Variants in PPP1R2B observed in about 807,000 individuals in gnomAD.
The protein encoded by PPP1R2B is protein phosphatase inhibitor 2 family member B.
In PPP1R2B, 13 loss-of-function variants were observed where a neutral mutation model predicts 17.6. The observed-to-expected ratio is 0.74, with a 90% confidence interval of 0.48 to 1.17. The LOEUF (loss-of-function observed/expected upper bound fraction) is 1.17, where lower values mean the gene tolerates loss of function less well. Ranked by LOEUF, PPP1R2B falls within the 50% of genes most tolerant of loss-of-function variation. The probability of loss-of-function intolerance (pLI) is 0.00; values close to 1 mark genes in which losing one functional copy is unlikely to be tolerated. For missense variants in PPP1R2B, 230 were observed against 252.4 expected (o/e 0.91, Z 0.60); for synonymous variants, 105 against 95.4 (o/e 1.10, Z -0.59).
In PPP1R2B at chr5:156,851,249, G is replaced by T; in HGVS notation, c.*69G>T. ...CTGTGACTATAATACATTGCTTCTT[G>T]TTCTCCACAATTCATGACTTAAGTA... On this transcript the variant is annotated 3_prime_UTR_variant, in exon 1 of 1. Coordinates refer to ENST00000522232, the MANE Select transcript of PPP1R2B (RefSeq NM_206858.3). 5 of 1,266,116 alleles carry T rather than the reference G, an allele frequency of 3.9e-6. No individual in the cohort carries two copies. The highest frequency in any genetic ancestry group is 5.7e-6 in the Non-Finnish European group (5 of 870,536). 78.4% of individuals were successfully genotyped at this position (1,266,116 alleles called of 1,614,324 possible).
rs1758463265 is a variant in PPP1R2B, at chr5:156,850,557, C to A, written c.-6C>A. ...GACCCTGAGGCGACAGCCGGAGCGCCCGGCAATGGCGGCCTCGACGGCCTC... is the reference window on the plus strand; with the variant it reads ...GACCCTGAGGCGACAGCCGGAGCGCACGGCAATGGCGGCCTCGACGGCCTC... On this transcript the variant is annotated 5_prime_UTR_variant, in exon 1 of 1. Transcript: ENST00000522232. 6.3e-7 allele frequency: 1 copy of A among 1,585,174 alleles called. No individual in the cohort carries two copies. The highest frequency in any genetic ancestry group is 8.6e-7 in the Non-Finnish European group (1 of 1,165,822).
rs56407100 is a variant in PPP1R2B at position 156,850,513 on chromosome 5, G to A, written c.-50G>A. 26 of 1,561,562 alleles carry A rather than the reference G, an allele frequency of 1.7e-5. No individual in the cohort carries two copies. Among genetic ancestry groups the A allele is most frequent in the African/African-American group, 2.7e-5 (2 of 73,476 alleles). On this transcript the variant is annotated 5_prime_UTR_variant, in exon 1 of 1. Coordinates refer to ENST00000522232, the MANE Select transcript of PPP1R2B (RefSeq NM_206858.3). The stretch of plus-strand genomic sequence containing the variant: ...CTGCTGTGCCGACCCTTCTCTTCGC[G>A]GACCCCACGCCAAGCAGCGACCCTG...
Position 156,851,079 on chromosome 5 carries a change from G to A in PPP1R2B, c.517G>A (p.Glu173Lys). 2 of 1,276,182 alleles carry A rather than the reference G, an allele frequency of 1.6e-6. No homozygotes were observed. The highest frequency in any genetic ancestry group is 2.3e-6 in the Non-Finnish European group (2 of 874,246). The allele number at this position is 1,276,182 out of a possible 1,614,324, so 79.1% of individuals were successfully genotyped here. A position where few individuals can be genotyped will look rare whatever the true frequency, so the allele number is the denominator to read the frequency against. The change falls in exon 1 of 1, where the codon GAA becomes AAA. Residue 173 changes from glutamate (E) to lysine (K), a missense_variant. Transcript: ENST00000522232. ...KDLHDDDEDEEMLETADGESM... is the reference protein window; with the variant it reads ...KDLHDDDEDEKMLETADGESM... ...CCTACATGATGATGATGAAGATGAAGAAATGTTAGAGACTGCAGATGGAGA... is the reference window on the plus strand; with the variant it reads ...CCTACATGATGATGATGAAGATGAAAAAATGTTAGAGACTGCAGATGGAGA...
Position 156,850,400 on chromosome 5 carries a change from G to A in PPP1R2B, c.-163G>A, listed in dbSNP as rs1561529513. 15 of 847,554 alleles carry A rather than the reference G, an allele frequency of 1.8e-5. No individual in the cohort carries two copies. The South Asian group carries it at 2.5e-4, about 14-fold the overall frequency. 52.5% of individuals were successfully genotyped at this position (847,554 alleles called of 1,614,324 possible). A position where few individuals can be genotyped will look rare whatever the true frequency, so the allele number is the denominator to read the frequency against. On this transcript the variant is annotated 5_prime_UTR_variant, in exon 1 of 1. Coordinates refer to ENST00000522232, the MANE Select transcript of PPP1R2B (RefSeq NM_206858.3). ...CGGCGTTGGCTCTGGCGTCGGGGTC[G>A]TTGTGACAACCGCTCCAGTAGCCGT...
Position 156,851,259 on chromosome 5 carries a change from A to G in PPP1R2B, c.*79A>G. 8.4e-6 allele frequency: 10 copies of G among 1,185,218 alleles called. No homozygotes were observed. The highest frequency in any genetic ancestry group is 1.9e-4 in the Middle Eastern group (1 of 5,244). 73.4% of individuals were successfully genotyped at this position (1,185,218 alleles called of 1,614,324 possible). Reference sequence around the variant, plus strand: ...AATACATTGCTTCTTGTTCTCCACAATTCATGACTTAAGTACCAAAATGCA... The same window carrying G: ...AATACATTGCTTCTTGTTCTCCACAGTTCATGACTTAAGTACCAAAATGCA... On this transcript the variant is annotated 3_prime_UTR_variant, in exon 1 of 1. Coordinates refer to ENST00000522232, the MANE Select transcript of PPP1R2B (RefSeq NM_206858.3).
Position 156,851,822 on chromosome 5 carries a change from C to T in PPP1R2B, c.*642C>T, listed in dbSNP as rs1449053470. On this transcript the variant is annotated 3_prime_UTR_variant, in exon 1 of 1. Transcript: ENST00000522232. Reference sequence around the variant, plus strand: ...CCCACAAATAAATTATCAGGTTAAACTTTCACCAATGTCTGCTCTGTTTTT... The same window carrying T: ...CCCACAAATAAATTATCAGGTTAAATTTTCACCAATGTCTGCTCTGTTTTT... The T allele has an allele frequency of 6.5e-6, 1 of 152,708 alleles. No homozygotes were observed. The highest frequency in any genetic ancestry group is 2.4e-5 in the African/African-American group (1 of 41,434). 9.5% of individuals were successfully genotyped at this position (152,708 alleles called of 1,614,324 possible).
rs1268918139 is a variant in PPP1R2B, at chr5:156,851,948, C to T, written c.*768C>T. Reference sequence around the variant, plus strand: ...AATAAATATTCTAATGTAGCTATCTCGCCATTCCCTTTAAATACCTGTCTT... The same window carrying T: ...AATAAATATTCTAATGTAGCTATCTTGCCATTCCCTTTAAATACCTGTCTT... On this transcript the variant is annotated 3_prime_UTR_variant, in exon 1 of 1. Transcript: ENST00000522232. The T allele has an allele frequency of 1.3e-5, 2 of 152,560 alleles. No homozygotes were observed. Among genetic ancestry groups the T allele is most frequent in the Non-Finnish European group, 2.9e-5 (2 of 68,016 alleles). 9.5% of individuals were successfully genotyped at this position (152,560 alleles called of 1,614,324 possible).
In PPP1R2B at chr5:156,850,618, C is replaced by G; in HGVS notation, c.56C>G (p.Thr19Ser). ...RPIKGILKNK[T>S]STTSSMVASA... ...ATCAAGGGGATCTTGAAGAACAAGA[C>G]CTCTACGACTTCCTCTATGGTGGCG... Residue 19 changes from threonine to serine, a missense_variant, in exon 1 of 1, where the codon ACC becomes AGC. Transcript: ENST00000522232. 1 of 1,602,226 alleles carries G rather than the reference C, an allele frequency of 6.2e-7. No homozygotes were observed. Among genetic ancestry groups the G allele is most frequent in the Non-Finnish European group, 8.5e-7 (1 of 1,173,424 alleles).
rs758276271 is a variant in PPP1R2B, at chr5:156,850,767, G to A, written c.205G>A (p.Asp69Asn). The A allele has an allele frequency of 1.3e-6, 2 of 1,516,234 alleles. No homozygotes were observed. The highest frequency in any genetic ancestry group is 1.7e-5 in the Admixed American group (1 of 59,900). 93.9% of individuals were successfully genotyped at this position (1,516,234 alleles called of 1,614,324 possible). A position where few individuals can be genotyped will look rare whatever the true frequency, so the allele number is the denominator to read the frequency against. ...CAAAGGCTATGGTTTAATGAAAATA[G>A]ATGAACCAAGCCCTCCTTACCATAG... The part of the protein sequence containing the change: ...ADKGYGLMKI[D>N]EPSPPYHSMM... The change falls in exon 1 of 1, where the codon GAT becomes AAT. Residue 69 changes from aspartate to asparagine, a missense_variant. Physicochemically the swap from Asp to Asn is conservative, Grantham distance 23. Transcript: ENST00000522232.
Position 156,850,718 on chromosome 5 carries a change from C to A in PPP1R2B, c.156C>A (p.Ile52=). 1 of 1,545,296 alleles carries A rather than the reference C, an allele frequency of 6.5e-7. No individual in the cohort carries two copies. The highest frequency in any genetic ancestry group is 8.9e-7 in the Non-Finnish European group (1 of 1,117,396). ...KKSQKWDEIN[I]LATYHPADKG... ...CCCAGAAGTGGGATGAAATTAACAT[C>A]TTGGCGACCTATCATCCAGCAGACA... Residue 52 remains isoleucine, a synonymous_variant, in exon 1 of 1, where the codon ATC becomes ATA. Coordinates refer to ENST00000522232, the MANE Select transcript of PPP1R2B (RefSeq NM_206858.3).
rs1313424168 is a variant in PPP1R2B at position 156,851,891 on chromosome 5, C to T, written c.*711C>T. On this transcript the variant is annotated 3_prime_UTR_variant, in exon 1 of 1. Transcript: ENST00000522232. ...TTTTTGTTTTTTAATGTTTTTGGTA[C>T]ACTGGGCAGACTTCAGAGCAGTTTT... 3 of 152,664 alleles carry T rather than the reference C, an allele frequency of 2.0e-5. No individual in the cohort carries two copies. The highest frequency in any genetic ancestry group is 4.4e-5 in the Non-Finnish European group (3 of 68,112). The allele number at this position is 152,664 out of a possible 1,614,324, so 9.5% of individuals were successfully genotyped here.
At position 156,850,533 on chromosome 5, in the gene PPP1R2B, A is replaced by G; in HGVS notation, c.-30A>G. 1 of 1,574,360 alleles carries G rather than the reference A, an allele frequency of 6.4e-7. No homozygotes were observed. The highest frequency in any genetic ancestry group is 1.2e-5 in the South Asian group (1 of 86,546). On this transcript the variant is annotated 5_prime_UTR_variant, in exon 1 of 1. Coordinates refer to ENST00000522232, the MANE Select transcript of PPP1R2B (RefSeq NM_206858.3). ...TTCGCGGACCCCACGCCAAGCAGCG[A>G]CCCTGAGGCGACAGCCGGAGCGCCC...
Position 156,851,202 on chromosome 5 carries a change from A to G in PPP1R2B, c.*22A>G. The G allele has an allele frequency of 6.5e-7, 1 of 1,533,418 alleles. No homozygotes were observed. Among genetic ancestry groups the G allele is most frequent in the Non-Finnish European group, 9.0e-7 (1 of 1,107,526 alleles). 95.0% of individuals were successfully genotyped at this position (1,533,418 alleles called of 1,614,324 possible). Reference sequence around the variant, plus strand: ...ATAGAAGAGATTTGTTCAACACTGCAATTGTTTGTTAGATATAAACCCTGT... The same window carrying G: ...ATAGAAGAGATTTGTTCAACACTGCGATTGTTTGTTAGATATAAACCCTGT... On this transcript the variant is annotated 3_prime_UTR_variant, in exon 1 of 1. Transcript: ENST00000522232.
At position 156,850,396 on chromosome 5, in the gene PPP1R2B, G is replaced by A; in HGVS notation, c.-167G>A. On this transcript the variant is annotated 5_prime_UTR_variant, in exon 1 of 1. Coordinates refer to ENST00000522232, the MANE Select transcript of PPP1R2B (RefSeq NM_206858.3). The stretch of plus-strand genomic sequence containing the variant: ...CATTCGGCGTTGGCTCTGGCGTCGG[G>A]GTCGTTGTGACAACCGCTCCAGTAG... 1 of 799,156 alleles carries A rather than the reference G, an allele frequency of 1.3e-6. No homozygotes were observed. Among genetic ancestry groups the A allele is most frequent in the Non-Finnish European group, 1.9e-6 (1 of 513,246 alleles). The allele number at this position is 799,156 out of a possible 1,614,324, so 49.5% of individuals were successfully genotyped here.
At position 156,850,403 on chromosome 5, in the gene PPP1R2B, G is replaced by T; in HGVS notation, c.-160G>T. ...CGTTGGCTCTGGCGTCGGGGTCGTT[G>T]TGACAACCGCTCCAGTAGCCGTTTC... On this transcript the variant is annotated 5_prime_UTR_variant, in exon 1 of 1. Coordinates refer to ENST00000522232, the MANE Select transcript of PPP1R2B (RefSeq NM_206858.3). The T allele has an allele frequency of 1.1e-6, 1 of 877,776 alleles. No homozygotes were observed. Among genetic ancestry groups the T allele is most frequent in the Non-Finnish European group, 1.7e-6 (1 of 583,558 alleles). The allele number at this position is 877,776 out of a possible 1,614,324, so 54.4% of individuals were successfully genotyped here. A position where few individuals can be genotyped will look rare whatever the true frequency, so the allele number is the denominator to read the frequency against.
At position 156,850,394 on chromosome 5, in the gene PPP1R2B, G is replaced by C. The variant is rs1307903899; in HGVS notation, c.-169G>C. ...CCCATTCGGCGTTGGCTCTGGCGTC[G>C]GGGTCGTTGTGACAACCGCTCCAGT... On this transcript the variant is annotated 5_prime_UTR_variant, in exon 1 of 1. Coordinates refer to ENST00000522232, the MANE Select transcript of PPP1R2B (RefSeq NM_206858.3). 3.6e-5 allele frequency: 28 copies of C among 780,558 alleles called. No homozygotes were observed. Among genetic ancestry groups the C allele is most frequent in the Non-Finnish European group, 5.4e-5 (27 of 497,272 alleles). 48.4% of individuals were successfully genotyped at this position (780,558 alleles called of 1,614,324 possible).
In PPP1R2B at chr5:156,851,010, G is replaced by T; in HGVS notation, c.448G>T (p.Glu150Ter). 1 of 1,613,608 alleles carries T rather than the reference G, an allele frequency of 6.2e-7. No individual in the cohort carries two copies. Among genetic ancestry groups the T allele is most frequent in the Admixed American group, 1.7e-5 (1 of 60,026 alleles). The change falls in exon 1 of 1, where the codon GAA becomes TAA. Residue 150 changes from glutamate (E) to a stop codon, truncating the protein, a stop_gained. Transcript: ENST00000522232. LOFTEE classifies it high-confidence loss of function. ...FEMRRKLHYN[E>*]GLNIKLARQL... ...AATGAGAAGGAAGCTTCACTACAAT[G>T]AAGGACTCAATATCAAACTAGCCAG...
Position 156,851,108 on chromosome 5 carries a change from C to T in PPP1R2B, c.546C>T (p.Ser182=), listed in dbSNP as rs755307499. ...EEMLETADGE[S]MNTEESNQGS... is the part of the protein sequence containing the mutation. ...TGTTAGAGACTGCAGATGGAGAAAG[C>T]ATGAATACGGAAGAATCAAATCAAG... The change falls in exon 1 of 1, where the codon AGC becomes AGT. Residue 182 remains serine, a synonymous_variant. Coordinates refer to ENST00000522232, the MANE Select transcript of PPP1R2B (RefSeq NM_206858.3). 29 of 1,591,238 alleles carry T rather than the reference C, an allele frequency of 1.8e-5. No individual in the cohort carries two copies. Among genetic ancestry groups the T allele is most frequent in the Non-Finnish European group, 2.5e-5 (29 of 1,159,218 alleles).
At position 156,851,544 on chromosome 5, in the gene PPP1R2B, C is replaced by T. The variant is rs990009479; in HGVS notation, c.*364C>T. 1 of 259,228 alleles carries T rather than the reference C, an allele frequency of 3.9e-6. No homozygotes were observed. The highest frequency in any genetic ancestry group is 2.3e-5 in the African/African-American group (1 of 44,366). The allele number at this position is 259,228 out of a possible 1,614,324, so 16.1% of individuals were successfully genotyped here. A position where few individuals can be genotyped will look rare whatever the true frequency, so the allele number is the denominator to read the frequency against. ...ATTTTCATCACTCGAAATGTGGTAGCTCTTACAAAGTTTGTTGATTTGTTT... is the reference window on the plus strand; with the variant it reads ...ATTTTCATCACTCGAAATGTGGTAGTTCTTACAAAGTTTGTTGATTTGTTT... On this transcript the variant is annotated 3_prime_UTR_variant, in exon 1 of 1. Transcript: ENST00000522232.
Sources: gnomAD v4.1 joint callset for allele counts on GRCh38, gnomAD v4.1.1 for gene constraint, MANE v1.5 for transcripts, NCBI Gene and HGNC (gene_info 2026-07-23, HGNC 2026-07-21) for gene names.